TAFA2: variants seen among roughly 807,000 people sequenced by gnomAD.
TAFA2 encodes the protein chemokine-like protein TAFA-2.
TAFA2 carries 7 observed loss-of-function variants against 18.8 expected under a neutral mutation model. The ratio of observed to expected loss-of-function variants is 0.37; its 90% CI spans 0.21 to 0.70. The LOEUF (loss-of-function observed/expected upper bound fraction) is 0.70. Among genes scored for constraint, TAFA2 ranks in the 30% least tolerant of loss-of-function variants. The probability of loss-of-function intolerance (pLI) is 0.53; values close to 1 mark genes in which losing one functional copy is unlikely to be tolerated. For missense variants in TAFA2, 122 were observed against 158.1 expected, an observed-to-expected ratio of 0.77 and a Z score of 1.23; for synonymous variants, 60 against 54.2, an observed-to-expected ratio of 1.11 and a Z score of -0.47.
chr12:62,209,927 G>T (rs1347112009), intron 1 of TAFA2, among the ~76,000 whole-genome samples: 2 of 152,178 alleles, frequency 1.3e-5, no homozygotes, highest in Non-Finnish European at 2.9e-5. Context: ...CTGGCCAGGC[G>T]CAGGGGCTCA....
chr12:61,850,463 C>G (rs986558726), intron 2 of TAFA2, among the ~76,000 whole-genome samples: 2 of 151,866 alleles, frequency 1.3e-5, no homozygotes, highest in Admixed American at 1.3e-4. Context: ...GAAACAAATA[C>G]TTTTCAATTA....
intron 1 of TAFA2, among the ~76,000 whole-genome samples, chr12:61,904,632 A>T (rs1876260103): frequency 6.6e-6 from 1 of 152,208 alleles, no homozygotes; most frequent in Non-Finnish European, 1.5e-5. Flanking sequence ...CATACTCAGC[A>T]AAAAGAAAAG....
chr12:62,023,185 T>A (rs1289006935), intron 1 of TAFA2, among the ~76,000 whole-genome samples: 1 of 151,996 alleles, frequency 6.6e-6, no homozygotes, highest in Non-Finnish European at 1.5e-5. Flanking sequence ...GCAAAATGAA[T>A]GAAATAACAA....
At chr12:62,250,160 A>T (rs1161553523) in intron 1 of TAFA2, among the ~76,000 whole-genome samples, 1 of 152,236 alleles carries the variant, frequency 6.6e-6, no homozygotes, top group Non-Finnish European at 1.5e-5. Flanking sequence ...CTCTTTAAAA[A>T]TAACTCTTTA....
At chr12:62,217,963 T>C (rs1270635370) in intron 1 of TAFA2, among the ~76,000 whole-genome samples, 1 of 91,734 alleles carries the variant, frequency 1.1e-5, no homozygotes, top group African/African-American at 5.5e-5. Flanking sequence ...TATTTTTATG[T>C]ATGTATTTAT....
intron 1 of TAFA2, among the ~76,000 whole-genome samples, chr12:62,171,323 C>T (rs1394917670): frequency 6.6e-6 from 1 of 152,178 alleles, no homozygotes; most frequent in Non-Finnish European, 1.5e-5. Flanking sequence ...CACTGCAGAA[C>T]AATTCCAGAT....
chr12:61,834,515 T>C (rs1184956633), intron 2 of TAFA2, among the ~76,000 whole-genome samples: 1 of 152,014 alleles, frequency 6.6e-6, no homozygotes, highest in Admixed American at 6.6e-5. Context: ...CAGCTCCATT[T>C]CCAATAGAGA....
chr12:61,944,256 C>T (rs1419528313), intron 1 of TAFA2, among the ~76,000 whole-genome samples: 10 of 150,786 alleles, frequency 6.6e-5, no homozygotes, highest in South Asian at 4.2e-4. Flanking sequence ...TTGAAACCAA[C>T]GAGAACAAAG....
At chr12:61,839,343 G>A (rs746685319) in intron 2 of TAFA2, among the ~76,000 whole-genome samples, 7 of 152,042 alleles carry the variant, frequency 4.6e-5, no homozygotes, top group Non-Finnish European at 8.8e-5. Flanking sequence ...AATTTGGAGA[G>A]TTCTCCAAGA....
chr12:62,005,601 T>C (rs1013074727), intron 1 of TAFA2, among the ~76,000 whole-genome samples: 1 of 152,106 alleles, frequency 6.6e-6, no homozygotes, highest in Non-Finnish European at 1.5e-5. Context: ...ACCACACATA[T>C]TATAGATAAT....
chr12:61,811,986 C>T (rs1439682354), intron 2 of TAFA2, among the ~76,000 whole-genome samples: 1 of 151,128 alleles, frequency 6.6e-6, no homozygotes, highest in African/African-American at 2.5e-5. Context: ...ACTGAAAAGC[C>T]CTATCCTCTT....
At chr12:61,897,566 G>A (rs984621654) in intron 1 of TAFA2, among the ~76,000 whole-genome samples, 12 of 131,962 alleles carry the variant, frequency 9.1e-5, no homozygotes, top group African/African-American at 3.9e-4. Context: ...GTGTGAAGGA[G>A]GAACTGTCCA....
intron 2 of TAFA2, among the ~76,000 whole-genome samples, chr12:61,844,408 A>G (rs1274448457): frequency 6.6e-6 from 1 of 152,118 alleles, no homozygotes; most frequent in Non-Finnish European, 1.5e-5. Flanking sequence ...AAATAGAATA[A>G]AAAGTTTGTT....
intron 1 of TAFA2, among the ~76,000 whole-genome samples, chr12:62,182,185 C>G (rs146943430): frequency 2.0e-5 from 3 of 152,234 alleles, no homozygotes; most frequent in African/African-American, 7.2e-5. Context: ...AAATAAACAT[C>G]TCTTCAAACT....
At chr12:61,886,370 C>T (rs1482483246) in intron 1 of TAFA2, among the ~76,000 whole-genome samples, 1 of 152,130 alleles carries the variant, frequency 6.6e-6, no homozygotes, top group Non-Finnish European at 1.5e-5. Flanking sequence ...CGCTACCACC[C>T]CCCTGCCCCC....
chr12:62,191,207 C>G (rs532934372), intron 1 of TAFA2, 52 bp downstream of exon 1: 2 of 152,258 alleles, frequency 1.3e-5, no homozygotes. Context: ...CCTGCAGTTG[C>G]CGCTCCGGTC....
intron 1 of TAFA2, among the ~76,000 whole-genome samples, chr12:62,023,285 G>A (rs1268111646): frequency 1.3e-5 from 2 of 151,946 alleles, no homozygotes; most frequent in African/African-American, 4.8e-5. Flanking sequence ...GACAAGAGGT[G>A]GACCTCCCTC....
rs185364789 is a variant in TAFA2, at chr12:62,065,558, C to T, written c.-2+125701G>A. Among the ~76,000 whole-genome samples the T allele has an allele frequency of 4.0e-4, 61 of 152,140 alleles. 1 individual carries two copies. Among genetic ancestry groups the T allele is most frequent in the Non-Finnish European group, 2.9e-4 (20 of 67,886 alleles). ...AAATATGTGTGATAGTATCTGGGCACAGGCCCAGAGCCCCATATATTATAA... is the reference window on the plus strand; with the variant it reads ...AAATATGTGTGATAGTATCTGGGCATAGGCCCAGAGCCCCATATATTATAA... On this transcript the variant is annotated intron_variant, in intron 1 of 4. Coordinates refer to ENST00000416284, the MANE Select transcript of TAFA2 (RefSeq NM_178539.5).
intron 4 of TAFA2, 41 bp from the exon 5 acceptor site, chr12:61,710,458 T>C (rs1438366378): frequency 6.6e-7 from 1 of 1,521,798 alleles, no homozygotes. Flanking sequence ...TTTCATAACA[T>C]ACCGATAATC....
Sources: gnomAD v4.1 joint callset for allele counts (sites outside exome capture counted in the v4.1 genomes callset) on GRCh38, gnomAD v4.1.1 for gene constraint, MANE v1.5 for transcripts, NCBI Gene and HGNC (gene_info 2026-07-23, HGNC 2026-07-21) for gene names.